The following HS6ST3 variants were observed in gnomAD, a reference collection of about 807,000 sequenced individuals.
HS6ST3 encodes heparan sulfate 6-O-sulfotransferase 3.
A neutral mutation model predicts 36.7 loss-of-function variants in HS6ST3; 12 were observed. The ratio of observed to expected loss-of-function variants is 0.33; its 90% CI spans 0.21 to 0.53. The LOEUF is 0.53. Ranked by LOEUF, HS6ST3 falls within the 20% of genes least tolerant of loss-of-function variation. The pLI, the probability that HS6ST3 is intolerant of heterozygous loss-of-function variation, is 0.95. For synonymous variants in HS6ST3, 240 were observed against 257.5 expected (o/e 0.93, Z 0.65); for missense variants, 584 against 640.9 (o/e 0.91, Z 0.96).
At chr13:96,684,988 T>A (rs1282524991) in intron 1 of HS6ST3, among the ~76,000 whole-genome samples, 2 of 152,106 alleles carry the variant, frequency 1.3e-5, no homozygotes, top group Admixed American at 1.3e-4. Flanking sequence ...TACACATTGT[T>A]AATTTTGTTC....
At chr13:96,607,446 A>G (rs1160148362) in intron 1 of HS6ST3, among the ~76,000 whole-genome samples, 1 of 152,236 alleles carries the variant, frequency 6.6e-6, no homozygotes, top group African/African-American at 2.4e-5. Flanking sequence ...GGAATTTATT[A>G]GAGAACCGGC....
intron 1 of HS6ST3, among the ~76,000 whole-genome samples, chr13:96,805,028 G>A (rs1375687596): frequency 6.6e-6 from 1 of 151,968 alleles, no homozygotes; most frequent in African/African-American, 2.4e-5. Context: ...TGAGAAAATT[G>A]GTCAAAAAAA....
At chr13:96,815,479 C>T (rs1422629635) in intron 1 of HS6ST3, among the ~76,000 whole-genome samples, 1 of 152,110 alleles carries the variant, frequency 6.6e-6, no homozygotes, top group East Asian at 1.9e-4. Flanking sequence ...CACAATTCAA[C>T]CCGTAACATC....
intron 1 of HS6ST3, among the ~76,000 whole-genome samples, chr13:96,765,064 T>C (rs999755561): frequency 9.7e-5 from 13 of 134,390 alleles, no homozygotes; most frequent in East Asian, 2.1e-4. Context: ...TTCTTTCTTT[T>C]TTTTTTTTTT....
chr13:96,635,955 A>G (rs1056997195), intron 1 of HS6ST3, among the ~76,000 whole-genome samples: 1 of 152,036 alleles, frequency 6.6e-6, no homozygotes, highest in Non-Finnish European at 1.5e-5. Flanking sequence ...AGAAAATTCT[A>G]CTCCTCAAAT....
At position 96,429,065 on chromosome 13, in the gene HS6ST3, A is replaced by G. The variant is rs186473965; in HGVS notation, c.707+337496A>G. Among the ~76,000 whole-genome samples, 3 of 152,296 alleles carry G rather than the reference A, an allele frequency of 2.0e-5. No homozygotes were observed. In the East Asian group the frequency reaches 5.8e-4, roughly 29 times the overall value. Reference sequence around the variant, plus strand: ...AAAGGCACAGAAATTTTTTTCAAAGAAACATTGAAAAGGGCTTATTCAGCC... The same window carrying G: ...AAAGGCACAGAAATTTTTTTCAAAGGAACATTGAAAAGGGCTTATTCAGCC... On this transcript the variant is annotated intron_variant, in intron 1 of 1. Coordinates refer to ENST00000376705, the MANE Select transcript of HS6ST3 (RefSeq NM_153456.4).
chr13:96,166,020 GGTTATTTA>G (rs1193469465), intron 1 of HS6ST3, among the ~76,000 whole-genome samples: 3 of 139,322 alleles, frequency 2.2e-5, no homozygotes, highest in African/African-American at 8.3e-5. Context: ...GGGTGGAAGG[GGTTATTTA>G]TTTATTTATT....
At chr13:96,814,159 C>G (rs201050406) in intron 1 of HS6ST3, among the ~76,000 whole-genome samples, 1 of 152,100 alleles carries the variant, frequency 6.6e-6, no homozygotes, top group East Asian at 1.9e-4. Context: ...TAGATCCCAT[C>G]TCTTTTTTAT....
At chr13:96,553,992 G>T (rs2056230027) in intron 1 of HS6ST3, among the ~76,000 whole-genome samples, 1 of 152,164 alleles carries the variant, frequency 6.6e-6, no homozygotes, top group South Asian at 2.1e-4. Context: ...GTGCGTGCGT[G>T]CATGTGTGTG....
chr13:96,219,281 C>T (rs79783006), intron 1 of HS6ST3, among the ~76,000 whole-genome samples: 1,779 of 152,234 alleles, frequency 0.012, 38 homozygotes, highest in African/African-American at 0.041. Flanking sequence ...ATTGCTATAT[C>T]GAGCTAACAT....
chr13:96,255,740 A>T (rs1215490078), intron 1 of HS6ST3, among the ~76,000 whole-genome samples: 1 of 152,114 alleles, frequency 6.6e-6, no homozygotes, highest in African/African-American at 2.4e-5. Context: ...TCTGTAGAAA[A>T]CTTTATCCAT....
intron 1 of HS6ST3, among the ~76,000 whole-genome samples, chr13:96,462,374 A>C (rs1594785429): frequency 6.6e-6 from 1 of 152,310 alleles, no homozygotes; most frequent in African/African-American, 2.4e-5. Context: ...CTCAGCCTAA[A>C]AACTTTTAAT....
intron 1 of HS6ST3, among the ~76,000 whole-genome samples, chr13:96,781,489 G>A (rs1877526504): frequency 1.3e-5 from 2 of 152,242 alleles, no homozygotes; most frequent in South Asian, 2.1e-4. Context: ...AGGAAAAGCT[G>A]TAGTGTATTC....
intron 1 of HS6ST3, among the ~76,000 whole-genome samples, chr13:96,660,257 A>G (rs913574771): frequency 1.3e-5 from 2 of 152,152 alleles, no homozygotes; most frequent in Admixed American, 1.3e-4. Flanking sequence ...ATTTCAGTAC[A>G]ATAACACCTG....
intron 1 of HS6ST3, among the ~76,000 whole-genome samples, chr13:96,184,200 C>CAAA (rs796944357): frequency 9.8e-5 from 7 of 71,272 alleles, no homozygotes; most frequent in Admixed American, 3.8e-4. Flanking sequence ...ACTCTGTCTC[C>CAAA]AAAAAAAAAA....
At chr13:96,356,441 C>T (rs1236121247) in intron 1 of HS6ST3, among the ~76,000 whole-genome samples, 1 of 152,128 alleles carries the variant, frequency 6.6e-6, no homozygotes, top group Non-Finnish European at 1.5e-5. Context: ...ACTCCTTGAT[C>T]TATGGGCTGC....
At chr13:96,108,236 A>G (rs2053851254) in intron 1 of HS6ST3, among the ~76,000 whole-genome samples, 1 of 152,194 alleles carries the variant, frequency 6.6e-6, no homozygotes, top group South Asian at 2.1e-4. Flanking sequence ...GCAGTTGTAG[A>G]TAGGGATGAA....
intron 1 of HS6ST3, among the ~76,000 whole-genome samples, chr13:96,713,541 C>T (rs529726581): frequency 1.3e-5 from 2 of 152,166 alleles, no homozygotes; most frequent in South Asian, 4.1e-4. Flanking sequence ...TTATTTTAGA[C>T]CAGTGGAGGA....
chr13:96,552,211 A>T (rs2056221980), intron 1 of HS6ST3, among the ~76,000 whole-genome samples: 1 of 152,206 alleles, frequency 6.6e-6, no homozygotes, highest in Non-Finnish European at 1.5e-5. Context: ...GCTTAGGATG[A>T]TATTTTTAAT....
Sources: gnomAD v4.1 joint callset for allele counts (sites outside exome capture counted in the v4.1 genomes callset) on GRCh38, gnomAD v4.1.1 for gene constraint, MANE v1.5 for transcripts, NCBI Gene and HGNC (gene_info 2026-07-23, HGNC 2026-07-21) for gene names.